Variants in PRORP observed in about 807,000 individuals in gnomAD.
The protein encoded by PRORP is mitochondrial ribonuclease P catalytic subunit.
A neutral mutation model predicts 59.4 loss-of-function variants in PRORP; 51 were observed. That is an observed-to-expected ratio of 0.86 (90% CI 0.69 to 1.08). The LOEUF is 1.08. Among genes scored for constraint, PRORP ranks in the 50% least tolerant of loss-of-function variants. PRORP has a pLI of 0.00. For missense variants in PRORP, 646 were observed against 690.3 expected (o/e 0.94, Z 0.72); for synonymous variants, 231 against 245.6 (o/e 0.94, Z 0.55).
rs1437200249 is a variant in PRORP at position 35,275,776 on chromosome 14, AC to A, written c.*2211del. On this transcript the variant is annotated 3_prime_UTR_variant, in exon 8 of 8. Coordinates refer to ENST00000534898, the MANE Select transcript of PRORP (RefSeq NM_014672.4). ...CCAGAGTTGGAGACCAACCTGGGCA[AC>A]ATAGCAAGACCCTGTCTCTTAAAAA... is the stretch of plus-strand genomic sequence containing the variant. The A allele has an allele frequency of 6.7e-6, 1 of 148,424 alleles. No individual in the cohort carries two copies. The highest frequency in any genetic ancestry group is 1.5e-5 in the Non-Finnish European group (1 of 67,186). 9.2% of individuals were successfully genotyped at this position (148,424 alleles called of 1,614,324 possible). A position where few individuals can be genotyped will look rare whatever the true frequency, so the allele number is the denominator to read the frequency against.
chr14:35,135,551 A>T (rs2047350976), intron 4 of PRORP, among the ~76,000 whole-genome samples: 1 of 152,204 alleles, frequency 6.6e-6, no homozygotes, highest in South Asian at 2.1e-4. Context: ...GTGAAGGAGC[A>T]GTGGCATCCA....
intron 5 of PRORP, among the ~76,000 whole-genome samples, chr14:35,197,272 C>T (rs969006923): frequency 5.9e-5 from 9 of 152,078 alleles, no homozygotes; most frequent in Admixed American, 2.0e-4. Flanking sequence ...TTTTAAAACA[C>T]TCTCATTGAG....
chr14:35,153,925 GTTA>G (rs2047846044), intron 4 of PRORP, among the ~76,000 whole-genome samples: 1 of 152,026 alleles, frequency 6.6e-6, no homozygotes, highest in African/African-American at 2.4e-5. Context: ...TTATATAAGG[GTTA>G]TTATAAGCTA....
intron 7 of PRORP, among the ~76,000 whole-genome samples, chr14:35,271,800 G>A (rs1313245883): frequency 6.6e-6 from 1 of 152,144 alleles, no homozygotes; most frequent in East Asian, 1.9e-4. Context: ...CAAGGCAGGT[G>A]GATCACTTGA....
intron 5 of PRORP, among the ~76,000 whole-genome samples, chr14:35,246,548 G>A (rs2050490351): frequency 6.6e-6 from 1 of 152,112 alleles, no homozygotes; most frequent in South Asian, 2.1e-4. Flanking sequence ...ATTTGACTTT[G>A]TTGGATCTGT....
intron 5 of PRORP, among the ~76,000 whole-genome samples, chr14:35,184,277 C>G (rs1019820720): frequency 6.6e-6 from 1 of 152,070 alleles, no homozygotes; most frequent in Non-Finnish European, 1.5e-5. Context: ...AAAGAAAGTT[C>G]TAGTTGTAAA....
intron 5 of PRORP, among the ~76,000 whole-genome samples, chr14:35,182,202 G>A (rs376977774): frequency 2.2e-4 from 34 of 152,224 alleles, no homozygotes; most frequent in African/African-American, 7.5e-4. Flanking sequence ...GAAGGCGGTG[G>A]TTTTAGTGAG....
At chr14:35,225,786 C>A (rs553628766) in intron 5 of PRORP, among the ~76,000 whole-genome samples, 95 of 152,188 alleles carry the variant, frequency 6.2e-4, no homozygotes, top group African/African-American at 2.2e-3. Context: ...GTGGCTCACA[C>A]CTGTAAGCCC....
rs1232815929 is a variant in PRORP, at chr14:35,143,794, A to C, written c.1167+16183A>C. ...TTCCCAAGTAGCTGGGATTACAGGCATGCGCCACCAAGCCTGGCTAATTTT... is the reference window on the plus strand; with the variant it reads ...TTCCCAAGTAGCTGGGATTACAGGCCTGCGCCACCAAGCCTGGCTAATTTT... On this transcript the variant is annotated intron_variant, in intron 4 of 7. Coordinates refer to ENST00000534898, the MANE Select transcript of PRORP (RefSeq NM_014672.4). 2.1e-5 allele frequency among the ~76,000 whole-genome samples: 3 copies of C among 144,862 alleles called. 1 individual carries two copies. The highest frequency in any genetic ancestry group is 7.3e-5 in the African/African-American group (3 of 41,036).
intron 5 of PRORP, among the ~76,000 whole-genome samples, chr14:35,226,455 A>G (rs1346593613): frequency 6.6e-6 from 1 of 152,198 alleles, no homozygotes; most frequent in Admixed American, 6.5e-5. Context: ...TTGGCATTTA[A>G]TCTGGATCTT....
At chr14:35,181,751 C>T (rs1566481459) in intron 5 of PRORP, among the ~76,000 whole-genome samples, 2 of 144,028 alleles carry the variant, frequency 1.4e-5, no homozygotes, top group African/African-American at 2.6e-5. Context: ...TGCCATTGCA[C>T]TCCAGCCTGG....
intron 5 of PRORP, among the ~76,000 whole-genome samples, chr14:35,200,848 A>G (rs955451481): frequency 1.3e-5 from 2 of 152,180 alleles, no homozygotes; most frequent in African/African-American, 4.8e-5. Flanking sequence ...ATATTGATAT[A>G]TTGCTATTAA....
At chr14:35,223,166 T>C (rs1445898985) in intron 5 of PRORP, among the ~76,000 whole-genome samples, 2 of 152,176 alleles carry the variant, frequency 1.3e-5, no homozygotes, top group Non-Finnish European at 2.9e-5. Context: ...TTCTCTTTGT[T>C]GTTTTCTCCA....
chr14:35,186,760 T>TTTA (rs373658225), intron 5 of PRORP, among the ~76,000 whole-genome samples: 34 of 151,550 alleles, frequency 2.2e-4, no homozygotes, highest in Admixed American at 4.6e-4. Flanking sequence ...CCCAGCTAAT[T>TTTA]TTATTATTAT....
At chr14:35,201,104 T>A (rs1005873057) in intron 5 of PRORP, among the ~76,000 whole-genome samples, 3 of 152,184 alleles carry the variant, frequency 2.0e-5, no homozygotes, top group South Asian at 2.1e-4. Flanking sequence ...ACTGCAGTTG[T>A]GGGTTTTGGG....
chr14:35,187,362 T>A (rs766236664), intron 5 of PRORP, among the ~76,000 whole-genome samples: 5 of 151,996 alleles, frequency 3.3e-5, no homozygotes, highest in Non-Finnish European at 7.4e-5. Flanking sequence ...AGGTGTGAAG[T>A]GGTATCTTTT....
chr14:35,226,855 C>A (rs1016632090), intron 5 of PRORP, among the ~76,000 whole-genome samples: 1 of 152,020 alleles, frequency 6.6e-6, no homozygotes, highest in Non-Finnish European at 1.5e-5. Context: ...CCACTTCAGC[C>A]TCCCAAGTAA....
chr14:35,151,979 G>A (rs1215333108), intron 4 of PRORP, among the ~76,000 whole-genome samples: 1 of 145,398 alleles, frequency 6.9e-6, no homozygotes, highest in African/African-American at 2.6e-5. Flanking sequence ...GTTTCTCGCA[G>A]AGGGGGATTT....
At chr14:35,137,508 A>C (rs2047400929) in intron 4 of PRORP, among the ~76,000 whole-genome samples, 1 of 144,630 alleles carries the variant, frequency 6.9e-6, no homozygotes, top group Non-Finnish European at 1.5e-5. Context: ...GAGAGATGAG[A>C]GTCAAGTAGA....
Sources: gnomAD v4.1 joint callset for allele counts (sites outside exome capture counted in the v4.1 genomes callset) on GRCh38, gnomAD v4.1.1 for gene constraint, MANE v1.5 for transcripts, NCBI Gene and HGNC (gene_info 2026-07-23, HGNC 2026-07-21) for gene names.